Variants in USP13 observed in about 807,000 individuals in gnomAD.
The protein encoded by USP13 is ubiquitin carboxyl-terminal hydrolase 13.
In USP13, 68 loss-of-function variants were observed where a neutral mutation model predicts 107.8. The ratio of observed to expected loss-of-function variants is 0.63; its 90% CI spans 0.52 to 0.77. USP13 has a LOEUF of 0.77. Ranked by LOEUF, USP13 falls within the 30% of genes least tolerant of loss-of-function variation. The pLI is 0.00. For missense variants in USP13, 945 were observed against 1,093.3 expected (o/e 0.86, Z 1.91); for synonymous variants, 377 against 389.5 (o/e 0.97, Z 0.38).
At chr3:179,667,846 C>G (rs1295046974) in intron 1 of USP13, among the ~76,000 whole-genome samples, 1 of 152,192 alleles carries the variant, frequency 6.6e-6, no homozygotes, top group Non-Finnish European at 1.5e-5. Context: ...CGGGGTTTCT[C>G]CATATTGGTA....
In USP13 at chr3:179,727,163, G is replaced by GTTTTT. The variant is rs528617941; in HGVS notation, c.1089-3009_1089-3005dup. On this transcript the variant is annotated intron_variant, in intron 8 of 20. Coordinates refer to ENST00000263966, the MANE Select transcript of USP13 (RefSeq NM_003940.3). ...TGAGATTATTGGAACAATTTTTAAT[G>GTTTTT]TTTTTTTTTTTTTTTTTTTTTAATT... Among the ~76,000 whole-genome samples, 10 of 114,356 alleles carry GTTTTT rather than the reference G, an allele frequency of 8.7e-5. No homozygotes were observed. In the East Asian group the frequency reaches 2.1e-3, roughly 23 times the overall value. The allele number at this position is 114,356 out of a possible 152,430, so 75.0% of individuals were successfully genotyped here. A position where few individuals can be genotyped will look rare whatever the true frequency, so the allele number is the denominator to read the frequency against.
intron 2 of USP13, among the ~76,000 whole-genome samples, chr3:179,685,042 A>G (rs1711820494): frequency 6.6e-6 from 1 of 152,188 alleles, no homozygotes; most frequent in Non-Finnish European, 1.5e-5. Flanking sequence ...AGTGCCTAGC[A>G]TATAGTAGGT....
intron 16 of USP13, among the ~76,000 whole-genome samples, chr3:179,758,505 T>A (rs955602058): frequency 1.3e-5 from 2 of 152,072 alleles, no homozygotes; most frequent in African/African-American, 4.8e-5. Flanking sequence ...TTCTTAAATT[T>A]TTTTTTTTTT....
intron 16 of USP13, among the ~76,000 whole-genome samples, chr3:179,758,502 A>T (rs947040322): frequency 4.1e-5 from 6 of 146,322 alleles, no homozygotes; most frequent in African/African-American, 7.5e-5. Context: ...CCTTTCTTAA[A>T]TTTTTTTTTT....
intron 8 of USP13, among the ~76,000 whole-genome samples, chr3:179,728,431 G>A (rs1462077516): frequency 6.6e-6 from 1 of 150,408 alleles, no homozygotes; most frequent in African/African-American, 2.4e-5. Context: ...GATGGCGGCC[G>A]GGAAGAGGCG....
At chr3:179,777,443 C>CTTTTTTTTTT (rs11317182) in intron 19 of USP13, among the ~76,000 whole-genome samples, 6 of 113,696 alleles carry the variant, frequency 5.3e-5, no homozygotes, top group Non-Finnish European at 8.7e-5. Context: ...CTCTCTCTCT[C>CTTTTTTTTTT]TTTTTTTTTT....
At chr3:179,661,963 C>T (rs529787562) in intron 1 of USP13, among the ~76,000 whole-genome samples, 113 of 152,292 alleles carry the variant, frequency 7.4e-4, no homozygotes, top group African/African-American at 2.0e-3. Flanking sequence ...GGGATTCTGA[C>T]GTCATCTGTG....
chr3:179,744,787 G>T (rs1490467720), intron 12 of USP13, among the ~76,000 whole-genome samples: 1 of 152,176 alleles, frequency 6.6e-6, no homozygotes, highest in African/African-American at 2.4e-5. Flanking sequence ...GCCAGGCCAA[G>T]CTCACACTTC....
At position 179,653,105 on chromosome 3, in the gene USP13, C is replaced by A; in HGVS notation, c.-121C>A. ...CCCGCTCTCCCCGCCCGCCCCGGCT[C>A]GGCCGGCTGCCGTTGCCCGCGCAGC... is the stretch of plus-strand genomic sequence containing the variant. On this transcript the variant is annotated 5_prime_UTR_variant, in exon 1 of 21. Coordinates refer to ENST00000263966, the MANE Select transcript of USP13 (RefSeq NM_003940.3). The surrounding 1 kb of genome is among the most constrained non-coding windows in gnomAD (Gnocchi z 4.0). The A allele has an allele frequency of 1.1e-6, 1 of 886,604 alleles. No homozygotes were observed. Among genetic ancestry groups the A allele is most frequent in the Non-Finnish European group, 1.4e-6 (1 of 740,698 alleles). The allele number at this position is 886,604 out of a possible 1,614,324, so 54.9% of individuals were successfully genotyped here. A position where few individuals can be genotyped will look rare whatever the true frequency, so the allele number is the denominator to read the frequency against.
At chr3:179,774,687 A>G (rs1715459033) in intron 19 of USP13, among the ~76,000 whole-genome samples, 1 of 152,200 alleles carries the variant, frequency 6.6e-6, no homozygotes, top group African/African-American at 2.4e-5. Context: ...CAAAAGAACA[A>G]ACCTTCCACA....
At chr3:179,675,055 G>T (rs575027680) in intron 1 of USP13, among the ~76,000 whole-genome samples, 1 of 152,028 alleles carries the variant, frequency 6.6e-6, no homozygotes, top group East Asian at 1.9e-4. Flanking sequence ...GGCGCCTGTA[G>T]TCCCAGCTAC....
At chr3:179,771,871 G>A (rs1037192900) in intron 19 of USP13, among the ~76,000 whole-genome samples, 11 of 152,176 alleles carry the variant, frequency 7.2e-5, no homozygotes, top group African/African-American at 2.2e-4. Flanking sequence ...TCTAAATGGC[G>A]TCTAATTTGT....
intron 6 of USP13, among the ~76,000 whole-genome samples, chr3:179,719,137 C>G (rs1010532542): frequency 6.6e-6 from 1 of 152,008 alleles, no homozygotes; most frequent in African/African-American, 2.4e-5. Context: ...TATTATTATC[C>G]GGAGGAAAGA....
chr3:179,658,691 T>C (rs1024718093), intron 1 of USP13, among the ~76,000 whole-genome samples: 1 of 152,206 alleles, frequency 6.6e-6, no homozygotes, highest in East Asian at 1.9e-4. Flanking sequence ...AACTGCAGAA[T>C]GTGCCTCAGA....
intron 6 of USP13, 29 bp from the exon 7 acceptor site, chr3:179,719,911 G>A: frequency 6.4e-7 from 1 of 1,568,246 alleles, no homozygotes; most frequent in Non-Finnish European, 8.8e-7. Flanking sequence ...ATTACTGATT[G>A]CAGTGCTTAT....
intron 1 of USP13, among the ~76,000 whole-genome samples, chr3:179,668,144 G>A (rs1278532413): frequency 2.0e-5 from 3 of 152,106 alleles, no homozygotes; most frequent in East Asian, 1.9e-4. Context: ...AATCATTACT[G>A]CATTAACATT....
chr3:179,687,723 C>G (rs561541424), intron 2 of USP13, among the ~76,000 whole-genome samples: 2 of 146,826 alleles, frequency 1.4e-5, no homozygotes, highest in South Asian at 4.4e-4. Context: ...CCTTCCTTCC[C>G]TCAAACTTGC....
At chr3:179,679,236 T>G (rs955060760) in intron 1 of USP13, among the ~76,000 whole-genome samples, 12 of 152,106 alleles carry the variant, frequency 7.9e-5, no homozygotes, top group African/African-American at 2.9e-4. Context: ...TTAAACAAAT[T>G]TTAAACAAAT....
chr3:179,740,941 A>ATTT (rs1026529419), intron 11 of USP13, among the ~76,000 whole-genome samples: 3 of 151,704 alleles, frequency 2.0e-5, no homozygotes, highest in African/African-American at 7.3e-5. Context: ...TAATTTTTGT[A>ATTT]TTTTTAGTAG....
Sources: allele counts gnomAD v4.1 joint callset (sites outside exome capture counted in the v4.1 genomes callset), GRCh38; gene constraint gnomAD v4.1.1; non-coding constraint Gnocchi (gnomAD v3.1); transcripts MANE v1.5; gene names NCBI Gene and HGNC (gene_info 2026-07-23, HGNC 2026-07-21).